NELL2: variants seen among roughly 807,000 people sequenced by gnomAD.
The protein encoded by NELL2 is neural EGFL like 2.
NELL2 carries 41 observed loss-of-function variants against 109.6 expected under a neutral mutation model. The ratio of observed to expected loss-of-function variants is 0.37; its 90% CI spans 0.29 to 0.49. NELL2 has a LOEUF of 0.49. Ranked by LOEUF, NELL2 falls within the 20% of genes least tolerant of loss-of-function variation. The pLI is 0.98. For synonymous variants in NELL2, 355 were observed against 344.7 expected (o/e 1.03, Z -0.33); for missense variants, 900 against 1,008.3 (o/e 0.89, Z 1.45).
At chr12:44,809,169 T>C (rs1242779620) in intron 3 of NELL2, among the ~76,000 whole-genome samples, 1 of 152,056 alleles carries the variant, frequency 6.6e-6, no homozygotes, top group Admixed American at 6.6e-5. Flanking sequence ...AACATAAGGA[T>C]TTTATTTATC....
chr12:44,587,305 A>ATTT (rs1469511714), intron 15 of NELL2, among the ~76,000 whole-genome samples: 20 of 118,122 alleles, frequency 1.7e-4, no homozygotes, highest in African/African-American at 7.6e-4. Flanking sequence ...ATATATATAT[A>ATTT]TATTTTTTTT....
chr12:44,796,964 G>A (rs2218804), intron 3 of NELL2, among the ~76,000 whole-genome samples: 151,093 of 152,180 alleles, frequency 0.99, 75,017 homozygotes, highest in Middle Eastern at 1. Context: ...CTAAGAAAGA[G>A]CACTTGGAGC....
At chr12:44,913,752 T>C in intron 1 of NELL2, 2 of 706,366 alleles carry the variant, frequency 2.8e-6, no homozygotes, top group Non-Finnish European at 4.5e-6. Flanking sequence ...ATTTTTAAAA[T>C]GGTGTTCAGA....
intron 13 of NELL2, among the ~76,000 whole-genome samples, chr12:44,620,705 C>A (rs745886892): frequency 6.6e-6 from 1 of 152,048 alleles, no homozygotes; most frequent in Non-Finnish European, 1.5e-5. Flanking sequence ...CCACATTTAT[C>A]CGGGGCCAGG....
At chr12:44,738,486 A>AG (rs916980672) in intron 9 of NELL2, among the ~76,000 whole-genome samples, 3 of 152,130 alleles carry the variant, frequency 2.0e-5, no homozygotes, top group Admixed American at 2.0e-4. Context: ...TTAAAAAAAA[A>AG]AAAAGAAAAT....
At chr12:44,805,388 T>A (rs61930965) in intron 3 of NELL2, among the ~76,000 whole-genome samples, 5,578 of 151,912 alleles carry the variant, frequency 0.037, 166 homozygotes, top group Non-Finnish European at 0.055. Flanking sequence ...TCTGCAGAAA[T>A]CAACAAATAG....
chr12:44,820,110 TCA>T (rs1943490567), intron 2 of NELL2, among the ~76,000 whole-genome samples: 1 of 152,184 alleles, frequency 6.6e-6, no homozygotes, highest in Non-Finnish European at 1.5e-5. Context: ...CATGATTGTA[TCA>T]CAGTTTTCGG....
intron 3 of NELL2, among the ~76,000 whole-genome samples, chr12:44,806,893 G>A (rs1943019120): frequency 6.6e-6 from 1 of 151,678 alleles, no homozygotes; most frequent in Non-Finnish European, 1.5e-5. Flanking sequence ...TCAAATGAGG[G>A]AGGGGGAGAG....
intron 2 of NELL2, among the ~76,000 whole-genome samples, chr12:44,833,653 T>A (rs10785537): frequency 6.6e-6 from 1 of 152,084 alleles, no homozygotes; most frequent in African/African-American, 2.4e-5. Context: ...AATGTGCCTA[T>A]CTTGCTGTGT....
At chr12:44,560,838 G>A (rs1174937918) in intron 15 of NELL2, among the ~76,000 whole-genome samples, 1 of 152,162 alleles carries the variant, frequency 6.6e-6, no homozygotes, top group East Asian at 1.9e-4. Flanking sequence ...AATGAGGCCA[G>A]CATCATCCTG....
chr12:44,787,061 A>G (rs1321123488), intron 3 of NELL2, among the ~76,000 whole-genome samples: 1 of 152,202 alleles, frequency 6.6e-6, no homozygotes, highest in Non-Finnish European at 1.5e-5. Flanking sequence ...ATCAGAACTA[A>G]TAAGTTAATT....
chr12:44,855,526 C>T lies in NELL2; in HGVS notation c.184+19699G>A, dbSNP rs111939291. On this transcript the variant is annotated intron_variant, in intron 2 of 19. Transcript: ENST00000429094. ...ATTCTAAGGTCTTTCAATCATCCCT[C>T]ATCTGGCATAGTTTCCAAACCTTTC... Among the ~76,000 whole-genome samples, 230 of 152,292 alleles carry T rather than the reference C, an allele frequency of 1.5e-3. 1 individual carries two copies. The highest frequency in any genetic ancestry group is 5.2e-3 in the African/African-American group (217 of 41,558).
At chr12:44,691,145 A>G (rs976255488) in intron 12 of NELL2, among the ~76,000 whole-genome samples, 4 of 152,178 alleles carry the variant, frequency 2.6e-5, no homozygotes, top group African/African-American at 7.2e-5. Flanking sequence ...ACTGCCTTTT[A>G]CAGATAATGT....
chr12:44,691,715 C>T (rs550181870), intron 12 of NELL2, among the ~76,000 whole-genome samples: 28 of 152,192 alleles, frequency 1.8e-4, no homozygotes, highest in Admixed American at 3.9e-4. Flanking sequence ...GTGAAATGGT[C>T]TTATTGATGA....
At chr12:44,908,631 G>T (rs1945746586) in intron 1 of NELL2, among the ~76,000 whole-genome samples, 1 of 151,968 alleles carries the variant, frequency 6.6e-6, no homozygotes, top group African/African-American at 2.4e-5. Flanking sequence ...AATTATGGCA[G>T]AAGTAGTGTT....
At chr12:44,519,899 G>GAAAA in intron 19 of NELL2, 106 bp downstream of exon 19, 4 of 837,694 alleles carry the variant, frequency 4.8e-6, no homozygotes, top group Non-Finnish European at 7.3e-6. Flanking sequence ...AAATAAACAG[G>GAAAA]AAAAAAAAAA....
Position 44,703,750 on chromosome 12 carries a change from G to A in NELL2, c.1294C>T (p.Arg432Ter), listed in dbSNP as rs1356454796. ...CSCRDGFRAL[R>*]EDNAYCEDID... ...CCTTCACAGTAGGCATTATCCTCTC[G>A]AAGAGCCCTAAAACCATCTCGACAG... Residue 432 changes from arginine to a stop codon, truncating the protein, a stop_gained, in exon 12 of 20, where the codon CGA becomes TGA. Coordinates refer to ENST00000429094, the MANE Select transcript of NELL2 (RefSeq NM_001145108.2). LOFTEE classifies it high-confidence loss of function. 6.2e-7 allele frequency: 1 copy of A among 1,613,208 alleles called. No individual in the cohort carries two copies. The highest frequency in any genetic ancestry group is 8.5e-7 in the Non-Finnish European group (1 of 1,179,554).
chr12:44,650,194 G>A (rs1947251477), intron 13 of NELL2, among the ~76,000 whole-genome samples: 2 of 151,932 alleles, frequency 1.3e-5, no homozygotes, highest in African/African-American at 4.8e-5. Flanking sequence ...CTCCTTACAA[G>A]TCATTGACTG....
intron 2 of NELL2, among the ~76,000 whole-genome samples, chr12:44,842,584 A>G (rs1397831365): frequency 2.6e-5 from 4 of 152,350 alleles, no homozygotes; most frequent in African/African-American, 7.2e-5. Flanking sequence ...TTAAAAATAG[A>G]TAAACTGTAT....
Sources: allele counts gnomAD v4.1 joint callset (sites outside exome capture counted in the v4.1 genomes callset), GRCh38; gene constraint gnomAD v4.1.1; transcripts MANE v1.5; gene names NCBI Gene and HGNC (gene_info 2026-07-23, HGNC 2026-07-21).